PCDH15: variants seen among roughly 807,000 people sequenced by gnomAD.
PCDH15 encodes the protein protocadherin-15.
In PCDH15, 129 loss-of-function variants were observed where a neutral mutation model predicts 178.5. The observed-to-expected ratio is 0.72, with a 90% CI of 0.63 to 0.84. The LOEUF is 0.84. Among genes scored for constraint, PCDH15 ranks in the 40% least tolerant of loss-of-function variants. The pLI is 0.00. For synonymous variants in PCDH15, 800 were observed against 732.0 expected, an observed-to-expected ratio of 1.09 and a Z score of -1.50; for missense variants, 2,230 against 2,099.9, an observed-to-expected ratio of 1.06 and a Z score of -1.21.
At chr10:54,516,238 G>T (rs1005980410) in intron 3 of PCDH15, among the ~76,000 whole-genome samples, 2 of 152,062 alleles carry the variant, frequency 1.3e-5, no homozygotes, top group Non-Finnish European at 2.9e-5. Flanking sequence ...AGAGAAGAAG[G>T]CTTCAGATGA....
chr10:54,058,806 G>C (rs918622709), intron 18 of PCDH15, among the ~76,000 whole-genome samples: 4 of 151,466 alleles, frequency 2.6e-5, no homozygotes, highest in Non-Finnish European at 4.4e-5. Flanking sequence ...CTATTCTCCT[G>C]CCTCAGCCTT....
chr10:55,022,581 A>T (rs1840358038), intron 2 of PCDH15, among the ~76,000 whole-genome samples: 1 of 152,096 alleles, frequency 6.6e-6, no homozygotes, highest in Non-Finnish European at 1.5e-5. Context: ...TCAACACATT[A>T]TGTCCTACAT....
intron 2 of PCDH15, among the ~76,000 whole-genome samples, chr10:54,943,781 A>G (rs1054491677): frequency 6.6e-6 from 1 of 151,730 alleles, no homozygotes; most frequent in Non-Finnish European, 1.5e-5. Context: ...AGACTTTTTG[A>G]TCTTAAAAAA....
intron 2 of PCDH15, among the ~76,000 whole-genome samples, chr10:55,056,550 A>G (rs754963001): frequency 6.6e-6 from 1 of 151,072 alleles, no homozygotes; most frequent in African/African-American, 2.4e-5. Flanking sequence ...CTCTACCTCA[A>G]TAAGACTCTG....
intron 8 of PCDH15, among the ~76,000 whole-genome samples, chr10:54,249,020 A>AG (rs1657885121): frequency 6.6e-6 from 1 of 152,196 alleles, no homozygotes; most frequent in Middle Eastern, 3.4e-3. Flanking sequence ...GTGATTAAAA[A>AG]ATGATCCTAG....
chr10:54,688,123 C>T (rs990639945), intron 1 of PCDH15, among the ~76,000 whole-genome samples: 6 of 151,862 alleles, frequency 4.0e-5, no homozygotes, highest in African/African-American at 1.2e-4. Flanking sequence ...CAGAGCTGTC[C>T]TCAATTAAAT....
rs75730140 is a variant in PCDH15 at position 55,480,155 on chromosome 10, G to T, written c.-156+147470C>A. Among the ~76,000 whole-genome samples the T allele has an allele frequency of 4.7e-3, 713 of 151,552 alleles. 7 individuals carry two copies. The highest frequency in any genetic ancestry group is 0.016 in the African/African-American group (680 of 41,442). On this transcript the variant is annotated intron_variant, in intron 2 of 5. Coordinates refer to the PCDH15 transcript ENST00000613346. ...CATGGAATGTTTTTTGCTTCTGTTTGTGTCATGTATGATTTATTTTACCAG... is the reference window on the plus strand; with the variant it reads ...CATGGAATGTTTTTTGCTTCTGTTTTTGTCATGTATGATTTATTTTACCAG...
At chr10:55,259,882 A>G (rs1441982950) in intron 1 of PCDH15, among the ~76,000 whole-genome samples, 1 of 119,110 alleles carries the variant, frequency 8.4e-6, no homozygotes, top group East Asian at 2.9e-4. Context: ...AGCCTGGGCA[A>G]CAAGAGCAAA....
chr10:53,890,341 C>G (rs528574797), intron 26 of PCDH15, among the ~76,000 whole-genome samples: 1 of 152,088 alleles, frequency 6.6e-6, no homozygotes, highest in Admixed American at 6.5e-5. Flanking sequence ...GCAGGAGAAT[C>G]GCTTGAACCT....
At chr10:54,704,474 A>ACAAC (rs1315891496) in intron 1 of PCDH15, among the ~76,000 whole-genome samples, 3 of 152,112 alleles carry the variant, frequency 2.0e-5, no homozygotes, top group Non-Finnish European at 4.4e-5. Flanking sequence ...AAACAAACAA[A>ACAAC]CAAAAACCAC....
intron 2 of PCDH15, among the ~76,000 whole-genome samples, chr10:54,551,508 T>C (rs576223066): frequency 6.6e-6 from 1 of 152,158 alleles, no homozygotes; most frequent in Admixed American, 6.6e-5. Flanking sequence ...AGAATAATTT[T>C]TGGGCAAAAT....
chr10:55,055,065 C>T (rs1053277582), intron 2 of PCDH15, among the ~76,000 whole-genome samples: 1 of 152,040 alleles, frequency 6.6e-6, no homozygotes, highest in Non-Finnish European at 1.5e-5. Context: ...ATTGCTTTGA[C>T]GTCTTCATCA....
chr10:54,717,456 G>A lies in PCDH15; in HGVS notation c.-28-53166C>T, dbSNP rs566223000. 7.6e-5 allele frequency among the ~76,000 whole-genome samples: 11 copies of A among 145,370 alleles called. 1 individual carries two copies. In the East Asian group the frequency reaches 1.8e-3, roughly 23 times the overall value. On this transcript the variant is annotated intron_variant, in intron 1 of 37. Transcript: ENST00000644397. ...CCATCAAAAAGTGGGCAAAGGACAT[G>A]AACAGACACTTCCCAAAAGAAGATA...
At position 54,928,363 on chromosome 10, in the gene PCDH15, AT is replaced by A. The variant is rs201845252; in HGVS notation, c.-79-30864del. Among the ~76,000 whole-genome samples, 1,320 of 152,196 alleles carry A rather than the reference AT, an allele frequency of 8.7e-3. 15 individuals are homozygous for A. Among genetic ancestry groups the A allele is most frequent in the African/African-American group, 0.03 (1,230 of 41,516 alleles). ...GACCTGACCTTTCTCTCTAGCTGCC[AT>A]TAACATTTCTTTCTTTCATTTCAAC... On this transcript the variant is annotated intron_variant, in intron 2 of 5. Transcript: ENST00000458638.
intron 2 of PCDH15, among the ~76,000 whole-genome samples, chr10:55,333,577 A>T: frequency 6.6e-6 from 1 of 152,074 alleles, no homozygotes. Flanking sequence ...TTAATTTTTT[A>T]AATATTATGG....
intron 10 of PCDH15, among the ~76,000 whole-genome samples, chr10:54,210,492 T>C (rs995842843): frequency 6.6e-6 from 1 of 152,048 alleles, no homozygotes; most frequent in Non-Finnish European, 1.5e-5. Context: ...AATAGAGTAA[T>C]TGGGGCCACT....
chr10:55,197,293 C>T (rs911610795), intron 1 of PCDH15, among the ~76,000 whole-genome samples: 6 of 151,966 alleles, frequency 3.9e-5, no homozygotes, highest in African/African-American at 7.3e-5. Context: ...TGCAATAACC[C>T]TGATATTTTT....
chr10:55,598,947 A>G (rs899954757), intron 2 of PCDH15, among the ~76,000 whole-genome samples: 10 of 152,132 alleles, frequency 6.6e-5, no homozygotes, highest in Non-Finnish European at 1.0e-4. Flanking sequence ...AGCCAGCTCC[A>G]GCTCCAAGCC....
chr10:54,444,239 A>G (rs2076011293), intron 3 of PCDH15, among the ~76,000 whole-genome samples: 1 of 151,716 alleles, frequency 6.6e-6, no homozygotes, highest in Non-Finnish European at 1.5e-5. Context: ...AGTTTGCTTC[A>G]CATCATAACC....
Sources: gnomAD v4.1 joint callset for allele counts (sites outside exome capture counted in the v4.1 genomes callset) on GRCh38, gnomAD v4.1.1 for gene constraint, MANE v1.5 for transcripts, NCBI Gene and HGNC (gene_info 2026-07-23, HGNC 2026-07-21) for gene names.